Variants in MARCHF1 observed in about 807,000 individuals in gnomAD.
The protein encoded by MARCHF1 is E3 ubiquitin-protein ligase MARCHF1.
A neutral mutation model predicts 54.2 loss-of-function variants in MARCHF1; 40 were observed. The ratio of observed to expected loss-of-function variants is 0.74; its 90% confidence interval spans 0.57 to 0.96. MARCHF1 has a LOEUF of 0.96. Among genes scored for constraint, MARCHF1 ranks in the 40% least tolerant of loss-of-function variants. The pLI, the probability that MARCHF1 is intolerant of heterozygous loss-of-function variation, is 0.00. For missense variants in MARCHF1, 586 were observed against 656.5 expected (o/e 0.89, Z 1.17); for synonymous variants, 236 against 236.3 (o/e 1.00, Z 0.01).
chr4:164,326,220 CA>C (rs1452959878), intron 1 of MARCHF1, among the ~76,000 whole-genome samples: 1 of 152,104 alleles, frequency 6.6e-6, no homozygotes, highest in Non-Finnish European at 1.5e-5. Flanking sequence ...AGCAAGTTAT[CA>C]AATGGGGTTA....
rs1300193230 is a variant in MARCHF1, at chr4:163,528,244, A to G, written c.*504T>C. ...AATCTGTTAGCTGTCAAAGCATATC[A>G]AAATATGCATCCTCCAAGTTCACTT... On this transcript the variant is annotated 3_prime_UTR_variant, in exon 10 of 10. Transcript: ENST00000514618. 2 of 153,574 alleles carry G rather than the reference A, an allele frequency of 1.3e-5. No homozygotes were observed. The highest frequency in any genetic ancestry group is 2.9e-5 in the Non-Finnish European group (2 of 68,766). 9.5% of individuals were successfully genotyped at this position (153,574 alleles called of 1,614,324 possible).
At chr4:163,533,680 A>AATATAT (rs35349951) in intron 9 of MARCHF1, among the ~76,000 whole-genome samples, 6,862 of 144,022 alleles carry the variant, frequency 0.048, 294 homozygotes, top group African/African-American at 0.11. Context: ...TTTTATATAT[A>AATATAT]ATATATATAT....
At chr4:163,825,963 G>T (rs1005443995) in intron 4 of MARCHF1, among the ~76,000 whole-genome samples, 2 of 151,958 alleles carry the variant, frequency 1.3e-5, no homozygotes, top group African/African-American at 4.8e-5. Flanking sequence ...GAGCAGAGGA[G>T]TAAATTGGCT....
chr4:164,117,472 TA>T (rs1342300254), intron 1 of MARCHF1, among the ~76,000 whole-genome samples: 1 of 152,006 alleles, frequency 6.6e-6, no homozygotes, highest in African/African-American at 2.4e-5. Context: ...AGTAAGTACT[TA>T]AACCTGAATC....
intron 7 of MARCHF1, among the ~76,000 whole-genome samples, chr4:163,600,251 G>A (rs1445324100): frequency 1.3e-5 from 2 of 151,822 alleles, no homozygotes; most frequent in African/African-American, 4.8e-5. Context: ...TATATCTTCT[G>A]GGCATCAATT....
In MARCHF1 at chr4:164,053,870, G is replaced by A. The variant is rs566999158; in HGVS notation, c.-248+57718C>T. Among the ~76,000 whole-genome samples the A allele has an allele frequency of 2.6e-5, 4 of 152,280 alleles. No homozygotes were observed. In the East Asian group the frequency reaches 7.7e-4, roughly 29 times the overall value. Reference sequence around the variant, plus strand: ...ATTGTCAGAAATAGGCATGGGCAAGGACTTCATGTCTAAAACACCAAAAGC... The same window carrying A: ...ATTGTCAGAAATAGGCATGGGCAAGAACTTCATGTCTAAAACACCAAAAGC... On this transcript the variant is annotated intron_variant, in intron 2 of 9. Coordinates refer to ENST00000514618, the MANE Select transcript of MARCHF1 (RefSeq NM_001394959.1).
At chr4:163,871,709 T>C (rs956555707) in intron 3 of MARCHF1, among the ~76,000 whole-genome samples, 9 of 152,208 alleles carry the variant, frequency 5.9e-5, no homozygotes, top group African/African-American at 2.2e-4. Flanking sequence ...TTGATAACTG[T>C]ATTTATATCA....
chr4:163,712,813 T>C (rs986192167), intron 4 of MARCHF1, among the ~76,000 whole-genome samples: 30 of 152,226 alleles, frequency 2.0e-4, no homozygotes, highest in African/African-American at 7.2e-4. Flanking sequence ...GTGTCACTTA[T>C]GGTCAGGTCC....
chr4:163,765,624 G>T (rs558603047), intron 4 of MARCHF1, among the ~76,000 whole-genome samples: 37 of 151,918 alleles, frequency 2.4e-4, no homozygotes, highest in East Asian at 5.8e-4. Context: ...TAAATATATA[G>T]AGAGAAATAC....
intron 1 of MARCHF1, among the ~76,000 whole-genome samples, chr4:164,166,133 T>C (rs1487879823): frequency 6.6e-6 from 1 of 151,998 alleles, no homozygotes; most frequent in Non-Finnish European, 1.5e-5. Context: ...TTCAAATAAC[T>C]TTATGCCTAT....
At chr4:163,959,587 G>A (rs116802080) in intron 3 of MARCHF1, among the ~76,000 whole-genome samples, 643 of 152,028 alleles carry the variant, frequency 4.2e-3, no homozygotes, top group Non-Finnish European at 6.5e-3. Context: ...GTCAATAAAT[G>A]GTGTTAGGAT....
At chr4:163,884,423 A>G (rs570799770) in intron 3 of MARCHF1, among the ~76,000 whole-genome samples, 1 of 152,178 alleles carries the variant, frequency 6.6e-6, no homozygotes, top group South Asian at 2.1e-4. Context: ...TCTTCTTTGT[A>G]GTCAAAATAA....
chr4:164,252,545 A>G (rs1226149482), intron 1 of MARCHF1, among the ~76,000 whole-genome samples: 1 of 152,130 alleles, frequency 6.6e-6, no homozygotes, highest in Non-Finnish European at 1.5e-5. Flanking sequence ...AAGCAGCCAC[A>G]GCTCATGGAG....
chr4:164,188,959 T>G, intron 1 of MARCHF1: 1 of 738,122 alleles, frequency 1.4e-6, no homozygotes. Flanking sequence ...CTGAGCTAAA[T>G]GTTATGAGGA....
At chr4:163,570,513 G>A (rs1429042040) in intron 8 of MARCHF1, among the ~76,000 whole-genome samples, 3 of 152,034 alleles carry the variant, frequency 2.0e-5, no homozygotes, top group Non-Finnish European at 2.9e-5. Flanking sequence ...CTACATGGTG[G>A]GGAGGGTGAA....
At chr4:163,809,460 A>G (rs553915727) in intron 4 of MARCHF1, among the ~76,000 whole-genome samples, 3 of 152,174 alleles carry the variant, frequency 2.0e-5, no homozygotes, top group Non-Finnish European at 4.4e-5. Flanking sequence ...ATTTCTGCCC[A>G]TCTCTTTGGT....
chr4:163,775,903 G>A (rs1279689748), intron 4 of MARCHF1, among the ~76,000 whole-genome samples: 1 of 152,126 alleles, frequency 6.6e-6, no homozygotes, highest in African/African-American at 2.4e-5. Context: ...AGCATCTACA[G>A]GTGATCAAGC....
intron 2 of MARCHF1, among the ~76,000 whole-genome samples, chr4:164,010,868 T>C (rs1753406158): frequency 6.6e-6 from 1 of 152,098 alleles, no homozygotes. Context: ...CAAAATTTAC[T>C]ACAAAGCTGT....
chr4:164,058,824 T>G (rs898562638), intron 2 of MARCHF1, among the ~76,000 whole-genome samples: 1 of 152,240 alleles, frequency 6.6e-6, no homozygotes, highest in Admixed American at 6.5e-5. Context: ...AAGTCTCTGA[T>G]GCAAATCTTC....
Sources: allele counts gnomAD v4.1 joint callset (sites outside exome capture counted in the v4.1 genomes callset), GRCh38; gene constraint gnomAD v4.1.1; transcripts MANE v1.5; gene names NCBI Gene and HGNC (gene_info 2026-07-23, HGNC 2026-07-21).